Variants in VCAN observed in about 807,000 individuals in gnomAD.
VCAN encodes versican core protein.
A neutral mutation model predicts 245.5 loss-of-function variants in VCAN; 44 were observed. The observed-to-expected ratio is 0.18, with a 90% CI of 0.14 to 0.23. The LOEUF is 0.23. Among genes scored for constraint, VCAN ranks in the 10% least tolerant of loss-of-function variants. VCAN has a pLI of 1.00. For missense variants in VCAN, 3,793 were observed against 4,057.9 expected, an observed-to-expected ratio of 0.93 and a Z score of 1.77; for synonymous variants, 1,413 against 1,437.0, an observed-to-expected ratio of 0.98 and a Z score of 0.38.
In VCAN at chr5:83,541,812, G is replaced by T. The variant is rs160277; in HGVS notation, c.8809G>T (p.Asp2937Tyr). 0.38 allele frequency: 613,535 copies of T among 1,613,674 alleles called. 117,940 individuals carry two copies. The highest frequency in any genetic ancestry group is 0.45 in the Admixed American group (26,964 of 59,984). The change falls in exon 8 of 15, where the codon GAT (aspartate) becomes TAT (tyrosine). Residue 2937 changes from aspartate (D) to tyrosine (Y), a missense_variant. By Grantham distance (160) the Asp-to-Tyr change is radical. Transcript: ENST00000265077. ...TCTCCAAGATTTCCAAAACAAAACCGATGGTCAAGTTTCTGGAGAAGCAAT... is the reference window on the plus strand; with the variant it reads ...TCTCCAAGATTTCCAAAACAAAACCTATGGTCAAGTTTCTGGAGAAGCAAT... ...EILQDFQNKT[D>Y]GQVSGEAIKM... is the part of the protein sequence containing the mutation.
intron 12 of VCAN, 36 bp downstream of exon 12, chr5:83,555,074 T>C: frequency 6.2e-7 from 1 of 1,607,906 alleles, no homozygotes; most frequent in East Asian, 2.2e-5. Flanking sequence ...AAGTTCTACC[T>C]TCTGGAAATT....
intron 6 of VCAN, among the ~76,000 whole-genome samples, chr5:83,514,612 A>G (rs1427253767): frequency 6.6e-6 from 1 of 151,758 alleles, no homozygotes; most frequent in Non-Finnish European, 1.5e-5. Flanking sequence ...GGCATGCGCC[A>G]CCGTGCCCGG....
At position 83,541,349 on chromosome 5, in the gene VCAN, T is replaced by C; in HGVS notation, c.8346T>C (p.Ile2782=). 1 of 1,614,116 alleles carries C rather than the reference T, an allele frequency of 6.2e-7. No individual in the cohort carries two copies. The highest frequency in any genetic ancestry group is 2.2e-5 in the East Asian group (1 of 44,870). ...ALVDHTPYLS[I]ATTHLMDQSV... ...TAGACCATACTCCCTATCTAAGTAT[T>C]GCTACTACCCACCTTATGGATCAGA... The change falls in exon 8 of 15, where the codon ATT becomes ATC. Residue 2782 remains isoleucine (I), a synonymous_variant. Transcript: ENST00000265077.
chr5:83,500,184 T>G (rs1745287789), intron 5 of VCAN, among the ~76,000 whole-genome samples: 1 of 152,214 alleles, frequency 6.6e-6, no homozygotes, highest in Admixed American at 6.5e-5. Flanking sequence ...CATATCAGCT[T>G]GAAGAGCCTC....
chr5:83,484,876 A>G (rs1022529546), intron 2 of VCAN, among the ~76,000 whole-genome samples: 1 of 152,212 alleles, frequency 6.6e-6, no homozygotes, highest in African/African-American at 2.4e-5. Flanking sequence ...ATAATGAGGA[A>G]CCAGCCAGCC....
chr5:83,571,969 C>A (rs560344905), intron 12 of VCAN, among the ~76,000 whole-genome samples: 67 of 152,138 alleles, frequency 4.4e-4, no homozygotes, highest in African/African-American at 1.6e-3. Flanking sequence ...ACAGATAAGA[C>A]AAGACAGGCT....
rs1746003478 is a variant in VCAN at position 83,519,734 on chromosome 5, T to G, written c.1428T>G (p.Gly476=). The G allele has an allele frequency of 6.2e-7, 1 of 1,614,006 alleles. No homozygotes were observed. Among genetic ancestry groups the G allele is most frequent in the Non-Finnish European group, 8.5e-7 (1 of 1,180,014 alleles). ...VSHYATDSWD[G]VVEDKQTQES... ...ATTATGCTACGGATTCATGGGATGG[T>G]GTCGTGGAAGATAAACAAACACAAG... Residue 476 remains glycine (G), a synonymous_variant, in exon 7 of 15, where the codon GGT becomes GGG. Transcript: ENST00000265077.
At chr5:83,577,321 G>A (rs1748522709) in intron 13 of VCAN, among the ~76,000 whole-genome samples, 1 of 152,118 alleles carries the variant, frequency 6.6e-6, no homozygotes, top group African/African-American at 2.4e-5. Context: ...ACACTGATTT[G>A]TTTCTGAATC....
At chr5:83,566,296 A>G (rs1435806509) in intron 12 of VCAN, among the ~76,000 whole-genome samples, 2 of 152,192 alleles carry the variant, frequency 1.3e-5, no homozygotes, top group Non-Finnish European at 2.9e-5. Context: ...GCAAAAAGGC[A>G]GTTATCCATC....
chr5:83,543,250 T>C (rs1246862976), intron 8 of VCAN, among the ~76,000 whole-genome samples: 1 of 152,348 alleles, frequency 6.6e-6, no homozygotes, highest in African/African-American at 2.4e-5. Context: ...TCAGCTCTAA[T>C]GGTGTTTTCC....
At chr5:83,531,481 A>G (rs1280982695) in intron 7 of VCAN, 3 of 152,124 alleles carry the variant, frequency 2.0e-5, no homozygotes, top group Non-Finnish European at 4.4e-5. Flanking sequence ...TAGTATAATC[A>G]TCATTTTCAC....
intron 13 of VCAN, among the ~76,000 whole-genome samples, chr5:83,575,643 C>T (rs868567790): frequency 6.6e-6 from 1 of 152,092 alleles, no homozygotes; most frequent in African/African-American, 2.4e-5. Context: ...TAGCATAATC[C>T]CTGCCCTTTG....
chr5:83,486,195 G>A (rs1744787121), intron 2 of VCAN, among the ~76,000 whole-genome samples: 1 of 152,148 alleles, frequency 6.6e-6, no homozygotes, highest in Non-Finnish European at 1.5e-5. Flanking sequence ...CCCCTGTGCT[G>A]TTGCAGATAT....
In VCAN at chr5:83,581,327, A is replaced by G. The variant is rs1164426572; in HGVS notation, c.*893A>G. On this transcript the variant is annotated 3_prime_UTR_variant, in exon 15 of 15. Transcript: ENST00000265077. Reference sequence around the variant, plus strand: ...TTGTTAAAACACATGCAAAAAAAAAAAAAAAAAAAAAAAAAGAAATTTTGT... The same window carrying G: ...TTGTTAAAACACATGCAAAAAAAAAGAAAAAAAAAAAAAAAGAAATTTTGT... 2 of 69,602 alleles carry G rather than the reference A, an allele frequency of 2.9e-5. No individual in the cohort carries two copies. The highest frequency in any genetic ancestry group is 7.1e-5 in the Non-Finnish European group (2 of 28,092). 4.3% of individuals were successfully genotyped at this position (69,602 alleles called of 1,614,324 possible).
At chr5:83,524,091 A>G (rs1292378260) in intron 7 of VCAN, among the ~76,000 whole-genome samples, 1 of 152,176 alleles carries the variant, frequency 6.6e-6, no homozygotes, top group African/African-American at 2.4e-5. Context: ...AACTCTTCCA[A>G]GTGGGAAACT....
At position 83,519,403 on chromosome 5, in the gene VCAN, G is replaced by A. The variant is rs750746361; in HGVS notation, c.1097G>A (p.Ser366Asn). The A allele has an allele frequency of 6.2e-7, 1 of 1,614,096 alleles. No individual in the cohort carries two copies. Among genetic ancestry groups the A allele is most frequent in the Non-Finnish European group, 8.5e-7 (1 of 1,179,924 alleles). The change falls in exon 7 of 15, where the codon AGT (serine) becomes AAT (asparagine). Residue 366 changes from serine to asparagine, a missense_variant. This residue lies in a region of VCAN where 3,182 missense variants were observed against 3,250.3 expected (regional missense o/e 0.98). Coordinates refer to ENST00000265077, the MANE Select transcript of VCAN (RefSeq NM_004385.5). ...ATCCTCGCAGAAACTGCATCACCCAGTTTATCCAAAGAACCACAAATGGTT... is the reference window on the plus strand; with the variant it reads ...ATCCTCGCAGAAACTGCATCACCCAATTTATCCAAAGAACCACAAATGGTT... The part of the protein sequence containing the change: ...LSILAETASP[S>N]LSKEPQMVSD...
chr5:83,572,861 TTTTA>T (rs138181383), intron 13 of VCAN, among the ~76,000 whole-genome samples: 63,753 of 142,742 alleles, frequency 0.45, 14,743 homozygotes, highest in East Asian at 0.58. Context: ...ACCTTTTTAT[TTTTA>T]TTTATTTATT....
intron 11 of VCAN, 140 bp downstream of exon 11, chr5:83,553,662 AT>A (rs1439812302): frequency 6.7e-6 from 8 of 1,192,646 alleles, no homozygotes; most frequent in Non-Finnish European, 1.2e-6. Context: ...ATTACTTAAA[AT>A]CATCTCACCT....
intron 9 of VCAN, among the ~76,000 whole-genome samples, chr5:83,546,536 G>A (rs1235146643): frequency 1.3e-5 from 2 of 151,058 alleles, no homozygotes; most frequent in African/African-American, 4.9e-5. Flanking sequence ...TGGGCGAATC[G>A]CTTGATCCCA....
Sources: allele counts gnomAD v4.1 joint callset (sites outside exome capture counted in the v4.1 genomes callset), GRCh38; gene constraint gnomAD v4.1.1; regional missense constraint gnomAD v4.1.1; transcripts MANE v1.5; gene names NCBI Gene and HGNC (gene_info 2026-07-23, HGNC 2026-07-21).